KIF1B: variants seen among roughly 807,000 people sequenced by gnomAD.
KIF1B encodes the protein kinesin-like protein KIF1B.
A neutral mutation model predicts 241.9 loss-of-function variants in KIF1B; 76 were observed. That is an observed-to-expected ratio of 0.31 (90% CI 0.26 to 0.38). The LOEUF (loss-of-function observed/expected upper bound fraction) is 0.38, where lower values mean the gene tolerates loss of function less well. Ranked by LOEUF, KIF1B falls within the 10% of genes least tolerant of loss-of-function variation. The pLI, the probability that KIF1B is intolerant of heterozygous loss-of-function variation, is 1.00. For synonymous variants in KIF1B, 750 were observed against 796.7 expected, an observed-to-expected ratio of 0.94 and a Z score of 0.99; for missense variants, 1,622 against 2,271.4, an observed-to-expected ratio of 0.71 and a Z score of 5.81.
intron 34 of KIF1B, 48 bp downstream of exon 34, chr1:10,343,335 T>C: frequency 1.3e-6 from 2 of 1,552,734 alleles, no homozygotes; most frequent in Non-Finnish European, 1.8e-6. Context: ...TGTGAATACA[T>C]GTCTTATTCT....
At chr1:10,302,416 G>C (rs969682495) in intron 22 of KIF1B, among the ~76,000 whole-genome samples, 5 of 152,206 alleles carry the variant, frequency 3.3e-5, no homozygotes, top group African/African-American at 7.2e-5. Flanking sequence ...ATGGAAAGAT[G>C]ATTTCCAAAC....
intron 1 of KIF1B, among the ~76,000 whole-genome samples, chr1:10,231,699 TTAAAG>T (rs1646985913): frequency 6.6e-6 from 1 of 152,100 alleles, no homozygotes; most frequent in African/African-American, 2.4e-5. Flanking sequence ...ATGCACTTCT[TTAAAG>T]AGAAGTAGTA....
At chr1:10,268,488 A>C (rs950270682) in intron 7 of KIF1B, among the ~76,000 whole-genome samples, 1 of 152,226 alleles carries the variant, frequency 6.6e-6, no homozygotes, top group African/African-American at 2.4e-5. Flanking sequence ...GTTAAGAAAA[A>C]AACAATCCAG....
intron 15 of KIF1B, among the ~76,000 whole-genome samples, chr1:10,282,752 G>GT (rs1649475302): frequency 6.6e-6 from 1 of 151,494 alleles, no homozygotes; most frequent in Non-Finnish European, 1.5e-5. Context: ...TGCATGGGCA[G>GT]TTCATAGGCT....
intron 22 of KIF1B, chr1:10,307,070 C>T (rs1387963568): frequency 9.6e-7 from 1 of 1,038,222 alleles, no homozygotes; most frequent in African/African-American, 1.7e-5. Context: ...CCCAGGTGTC[C>T]TCATGTTGCT....
intron 15 of KIF1B, among the ~76,000 whole-genome samples, chr1:10,290,597 T>C (rs2102246682): frequency 6.6e-6 from 1 of 151,818 alleles, no homozygotes; most frequent in South Asian, 2.1e-4. Context: ...TTCTCCTTCC[T>C]CAGCCTCCTG....
At chr1:10,321,403 C>T (rs760237038) in intron 23 of KIF1B, among the ~76,000 whole-genome samples, 1 of 151,916 alleles carries the variant, frequency 6.6e-6, no homozygotes, top group Non-Finnish European at 1.5e-5. Context: ...TGTGCCTAGC[C>T]AGGAGTATTT....
At chr1:10,248,656 G>A (rs1360725300) in intron 2 of KIF1B, among the ~76,000 whole-genome samples, 4 of 152,158 alleles carry the variant, frequency 2.6e-5, no homozygotes, top group East Asian at 1.9e-4. Context: ...ACATGCTGCC[G>A]TGGTTGATGT....
rs191700343 is a variant in KIF1B, at chr1:10,229,514, T to A, written c.-79-2736T>A. 3.9e-5 allele frequency among the ~76,000 whole-genome samples: 6 copies of A among 152,136 alleles called. No individual in the cohort carries two copies. The East Asian group carries it at 9.7e-4, about 24-fold the overall frequency. On this transcript the variant is annotated intron_variant, in intron 1 of 48. Coordinates refer to ENST00000676179, the MANE Select transcript of KIF1B (RefSeq NM_001365951.3). Reference sequence around the variant, plus strand: ...CAGTGTGAGAGATGGACAATAGACATGCTCCAGAAAACAAGAATTTCAAAT... The same window carrying A: ...CAGTGTGAGAGATGGACAATAGACAAGCTCCAGAAAACAAGAATTTCAAAT...
chr1:10,258,200 A>G (rs1037067113), intron 3 of KIF1B, among the ~76,000 whole-genome samples: 1 of 152,246 alleles, frequency 6.6e-6, no homozygotes, highest in Admixed American at 6.5e-5. Context: ...AAAGAGTGAT[A>G]CTTTTAAGGT....
chr1:10,336,657 C>T lies in KIF1B; in HGVS notation c.3044C>T (p.Ala1015Val), dbSNP rs1352833651. ...FLRVAVQAIA[A>V]DEEAPDYGSG... ...TTGCTAATTTTTTTTTCTGCTTTAG[C>T]GGATGAAGAAGCTCCTGATTATGGC... The change falls in exon 29 of 49, where the codon GCG becomes GTG. Residue 1015 changes from alanine (A) to valine (V), a missense_variant and splice_region_variant. By Grantham distance (64) the Ala-to-Val change is moderately conservative (BLOSUM62 0). Transcript: ENST00000676179. 5.6e-6 allele frequency: 9 copies of T among 1,613,130 alleles called. No individual in the cohort carries two copies. In the East Asian group the frequency reaches 1.3e-4, roughly 24 times the overall value.
At chr1:10,317,686 C>A (rs1219918487) in intron 22 of KIF1B, among the ~76,000 whole-genome samples, 1 of 151,148 alleles carries the variant, frequency 6.6e-6, no homozygotes, top group Non-Finnish European at 1.5e-5. Flanking sequence ...AAAAAATTAG[C>A]CAGGCACGGT....
chr1:10,277,714 G>A (rs1649190906), intron 12 of KIF1B, among the ~76,000 whole-genome samples: 3 of 152,118 alleles, frequency 2.0e-5, no homozygotes, highest in Admixed American at 2.0e-4. Flanking sequence ...AAAGACACTT[G>A]ATGTAATGGA....
intron 40 of KIF1B, 59 bp from the exon 41 acceptor site, chr1:10,363,224 A>C: frequency 1.5e-6 from 2 of 1,334,702 alleles, no homozygotes; most frequent in Non-Finnish European, 2.2e-6. Flanking sequence ...GCAGAAATTG[A>C]AATTTTCCTG....
intron 28 of KIF1B, among the ~76,000 whole-genome samples, chr1:10,335,184 G>A (rs761680449): frequency 9.2e-5 from 14 of 152,162 alleles, no homozygotes; most frequent in Non-Finnish European, 1.9e-4. Flanking sequence ...GAGTTCAAGT[G>A]ATCTTCCTGC....
intron 2 of KIF1B, among the ~76,000 whole-genome samples, chr1:10,254,279 T>C (rs1327923156): frequency 2.6e-5 from 4 of 152,190 alleles, no homozygotes; most frequent in African/African-American, 7.2e-5. Context: ...AAAAGTAATT[T>C]TGCTGTAATG....
At chr1:10,215,172 A>ATATATTTTTTT (rs1377684765) in intron 1 of KIF1B, among the ~76,000 whole-genome samples, 1 of 45,352 alleles carries the variant, frequency 2.2e-5, no homozygotes, top group Non-Finnish European at 3.7e-5. Context: ...ATATATATAT[A>ATATATTTTTTT]TTTTTTTTTT....
chr1:10,215,157 TATATATATATA>T (rs1374661821), intron 1 of KIF1B, among the ~76,000 whole-genome samples: 18 of 68,398 alleles, frequency 2.6e-4, no homozygotes, highest in African/African-American at 1.8e-3. Flanking sequence ...TATATATATA[TATATATATATA>T]TATATTTTTT....
chr1:10,330,156 G>A (rs1245347903), intron 27 of KIF1B, among the ~76,000 whole-genome samples: 1 of 152,066 alleles, frequency 6.6e-6, no homozygotes, highest in African/African-American at 2.4e-5. Context: ...AAAGTATAAG[G>A]ATTCTCAAAA....
Sources: allele counts gnomAD v4.1 joint callset (sites outside exome capture counted in the v4.1 genomes callset), GRCh38; gene constraint gnomAD v4.1.1; transcripts MANE v1.5; gene names NCBI Gene and HGNC (gene_info 2026-07-23, HGNC 2026-07-21).